STARD5: variants seen among roughly 807,000 people sequenced by gnomAD.
The protein encoded by STARD5 is stAR-related lipid transfer protein 5.
A neutral mutation model predicts 24.6 loss-of-function variants in STARD5; 26 were observed. The observed-to-expected ratio is 1.06, with a 90% CI of 0.77 to 1.47. STARD5 has a LOEUF of 1.47. Ranked by LOEUF, STARD5 falls within the 40% of genes most tolerant of loss-of-function variation. The pLI is 0.00. For synonymous variants in STARD5, 101 were observed against 99.7 expected, an observed-to-expected ratio of 1.01 and a Z score of -0.07; for missense variants, 254 against 270.8, an observed-to-expected ratio of 0.94 and a Z score of 0.44.
Position 81,322,480 on chromosome 15 carries a change from T to A in STARD5, c.210A>T (p.Pro70=), listed in dbSNP as rs1444089357. The A allele has an allele frequency of 5.0e-6, 8 of 1,614,252 alleles. No homozygotes were observed. Among genetic ancestry groups the A allele is most frequent in the Middle Eastern group, 1.6e-4 (1 of 6,062 alleles). Residue 70 remains proline, a synonymous_variant, in exon 3 of 6, where the codon CCA becomes CCT. Transcript: ENST00000302824. ...ACTTCACTCGTAGGCCTCCAACAGC[T>A]GGCTTCACACAGTCCCACACCTCCT... ...TLEEVWDCVK[P]AVGGLRVKWD... is the part of the protein sequence containing the mutation.
chr15:81,313,580 G>T, intron 5 of STARD5, 177 bp from the exon 6 acceptor site: 1 of 477,584 alleles, frequency 2.1e-6, no homozygotes, highest in Non-Finnish European at 3.4e-6. Context: ...TTTTCAGGAT[G>T]GAAACCCATC....
chr15:81,318,403 C>T lies in STARD5; in HGVS notation c.494+6G>A. 6.2e-7 allele frequency: 1 copy of T among 1,613,696 alleles called. No individual in the cohort carries two copies. The highest frequency in any genetic ancestry group is 8.5e-7 in the Non-Finnish European group (1 of 1,179,612). On this transcript the variant is annotated splice_donor_region_variant and intron_variant, in intron 5 of 5. Coordinates refer to ENST00000302824, the MANE Select transcript of STARD5 (RefSeq NM_181900.3). ...CATGTACCTCAATGCAGGAAATTAT[C>T]CTTACCCTGGAAGAGGTTCACAGAA...
chr15:81,320,351 T>A (rs1901171841), intron 3 of STARD5, among the ~76,000 whole-genome samples: 1 of 152,190 alleles, frequency 6.6e-6, no homozygotes, highest in African/African-American at 2.4e-5. Context: ...ATGAGATGCA[T>A]GGGGGCACTT....
intron 4 of STARD5, 118 bp downstream of exon 4, chr15:81,319,221 C>CA (rs745382753): frequency 1.6e-5 from 15 of 920,996 alleles, no homozygotes; most frequent in Non-Finnish European, 2.6e-5. Flanking sequence ...GTAGGGGACT[C>CA]AGAGTGTGAG....
At position 81,309,584 on chromosome 15, in the gene STARD5, A is replaced by T. The variant is rs1353015036; in HGVS notation, c.*3672T>A. 2.0e-5 allele frequency: 3 copies of T among 152,244 alleles called. No homozygotes were observed. Among genetic ancestry groups the T allele is most frequent in the Non-Finnish European group, 4.4e-5 (3 of 68,056 alleles). The allele number at this position is 152,244 out of a possible 1,614,324, so 9.4% of individuals were successfully genotyped here. On this transcript the variant is annotated 3_prime_UTR_variant, in exon 6 of 6. Transcript: ENST00000302824. ...TGCTGGGGTCATTTATGAAAAATAC[A>T]GTTTGTCACATGAAACATTTGCAAA...
chr15:81,313,500 C>A, intron 5 of STARD5, 97 bp from the exon 6 acceptor site: 1 of 1,214,970 alleles, frequency 8.2e-7, no homozygotes, highest in Non-Finnish European at 1.1e-6. Context: ...GTGGAAATGG[C>A]CATGATACAG....
At chr15:81,315,035 G>C (rs190320334) in intron 5 of STARD5, among the ~76,000 whole-genome samples, 17 of 151,978 alleles carry the variant, frequency 1.1e-4, no homozygotes, top group Non-Finnish European at 1.5e-5. Context: ...TCCTCTGCTT[G>C]TGCCCTGCTT....
chr15:81,312,178 T>A lies in STARD5; in HGVS notation c.*1078A>T, dbSNP rs935690411. ...GAATGTTAGAGGATCCCTCTCTGGATTGGAGATAGGGAAAGAAAGTTGCAC... is the reference window on the plus strand; with the variant it reads ...GAATGTTAGAGGATCCCTCTCTGGAATGGAGATAGGGAAAGAAAGTTGCAC... On this transcript the variant is annotated 3_prime_UTR_variant, in exon 6 of 6. Coordinates refer to ENST00000302824, the MANE Select transcript of STARD5 (RefSeq NM_181900.3). 6 of 152,118 alleles carry A rather than the reference T, an allele frequency of 3.9e-5. No individual in the cohort carries two copies. Among genetic ancestry groups the A allele is most frequent in the Non-Finnish European group, 7.3e-5 (5 of 68,042 alleles). The allele number at this position is 152,118 out of a possible 1,614,324, so 9.4% of individuals were successfully genotyped here. A position where few individuals can be genotyped will look rare whatever the true frequency, so the allele number is the denominator to read the frequency against.
At chr15:81,313,807 C>T (rs535292983) in intron 5 of STARD5, 1 of 155,046 alleles carries the variant, frequency 6.4e-6, no homozygotes, top group East Asian at 1.9e-4. Context: ...TTCAAGGGGT[C>T]TACAAAGTTA....
intron 5 of STARD5, among the ~76,000 whole-genome samples, chr15:81,315,642 C>T (rs1901066409): frequency 1.3e-5 from 2 of 152,238 alleles, no homozygotes; most frequent in Admixed American, 6.5e-5. Flanking sequence ...ACCTTTCCCC[C>T]GCCCCCCGCG....
At chr15:81,318,581 C>T in intron 4 of STARD5, 79 bp from the exon 5 acceptor site, 1 of 1,286,602 alleles carries the variant, frequency 7.8e-7, no homozygotes. Flanking sequence ...ATAGAGCACA[C>T]AGACCAGACT....
At position 81,322,962 on chromosome 15, in the gene STARD5, C is replaced by G; in HGVS notation, c.100-14G>C. On this transcript the variant is annotated splice_polypyrimidine_tract_variant and intron_variant, in intron 1 of 5. Coordinates refer to ENST00000302824, the MANE Select transcript of STARD5 (RefSeq NM_181900.3). Reference sequence around the variant, plus strand: ...TGAAACTCCATTCTGTCAAAAGGCACAGAACCACAGAATTTTAGAGCTAGA... The same window carrying G: ...TGAAACTCCATTCTGTCAAAAGGCAGAGAACCACAGAATTTTAGAGCTAGA... 6.2e-7 allele frequency: 1 copy of G among 1,613,972 alleles called. No individual in the cohort carries two copies. The highest frequency in any genetic ancestry group is 1.1e-5 in the South Asian group (1 of 91,082).
chr15:81,313,343 T>C lies in STARD5; in HGVS notation c.555A>G (p.Pro185=). The C allele has an allele frequency of 6.3e-7, 1 of 1,581,234 alleles. No individual in the cohort carries two copies. The highest frequency in any genetic ancestry group is 8.6e-7 in the Non-Finnish European group (1 of 1,164,200). Reference sequence around the variant, plus strand: ...GGAAGAAGGAGTCCACCACGTTCTGTGGGAGGTAACCGCTGAGGTCGGTAT... The same window carrying C: ...GGAAGAAGGAGTCCACCACGTTCTGCGGGAGGTAACCGCTGAGGTCGGTAT... ...FFHTDLSGYL[P]QNVVDSFFPR... is the part of the protein sequence containing the mutation. Residue 185 remains proline (P), a synonymous_variant, in exon 6 of 6, where the codon CCA becomes CCG. Transcript: ENST00000302824.
In STARD5 at chr15:81,322,518, A is replaced by G. The variant is rs773325417; in HGVS notation, c.172T>C (p.Tyr58His). 7 of 1,614,054 alleles carry G rather than the reference A, an allele frequency of 4.3e-6. No individual in the cohort carries two copies. Among genetic ancestry groups the G allele is most frequent in the Non-Finnish European group, 5.9e-6 (7 of 1,180,026 alleles). The change falls in exon 3 of 6, where the codon TAT becomes CAT. Residue 58 changes from tyrosine to histidine, a missense_variant. Coordinates refer to ENST00000302824, the MANE Select transcript of STARD5 (RefSeq NM_181900.3). ...GNLYRGEGIV[Y>H]GTLEEVWDCV... ...TCCCACACCTCCTCTAGTGTCCCAT[A>G]TACAATGCCTTCTCCTCGGTACCTG... is the stretch of plus-strand genomic sequence containing the variant.
At chr15:81,322,319 A>G (rs1185979330) in intron 3 of STARD5, 89 bp downstream of exon 3, 7 of 1,537,098 alleles carry the variant, frequency 4.6e-6, no homozygotes, top group Non-Finnish European at 6.3e-6. Flanking sequence ...AACAAAAGGT[A>G]TCACGGACCC....
rs8040500 is a variant in STARD5 at position 81,311,742 on chromosome 15, G to T, written c.*1514C>A. On this transcript the variant is annotated 3_prime_UTR_variant, in exon 6 of 6. Coordinates refer to ENST00000302824, the MANE Select transcript of STARD5 (RefSeq NM_181900.3). ...TATAGAACAGTGCTTGCCACAGAGC[G>T]GGGACTCGGTAAGCACTTAATGAAT... The T allele has an allele frequency of 6.6e-6, 1 of 152,196 alleles. No individual in the cohort carries two copies. Among genetic ancestry groups the T allele is most frequent in the South Asian group, 2.1e-4 (1 of 4,830 alleles). The allele number at this position is 152,196 out of a possible 1,614,324, so 9.4% of individuals were successfully genotyped here. A position where few individuals can be genotyped will look rare whatever the true frequency, so the allele number is the denominator to read the frequency against.
At chr15:81,321,510 T>TG (rs1401140895) in intron 3 of STARD5, among the ~76,000 whole-genome samples, 1 of 151,204 alleles carries the variant, frequency 6.6e-6, no homozygotes, top group East Asian at 1.9e-4. Context: ...CTTAGGAGGC[T>TG]GAGGCAGGAG....
In STARD5 at chr15:81,311,990, C is replaced by G. The variant is rs1224644903; in HGVS notation, c.*1266G>C. The stretch of plus-strand genomic sequence containing the variant: ...CTCAAAAATAGGGAAGTAACAGTAA[C>G]GCAGGGGAAACGTTTTCTGTTTGGA... On this transcript the variant is annotated 3_prime_UTR_variant, in exon 6 of 6. Transcript: ENST00000302824. The G allele has an allele frequency of 6.6e-6, 1 of 152,180 alleles. No individual in the cohort carries two copies. The highest frequency in any genetic ancestry group is 2.4e-5 in the African/African-American group (1 of 41,432). 9.4% of individuals were successfully genotyped at this position (152,180 alleles called of 1,614,324 possible).
At chr15:81,314,421 G>A (rs752015446) in intron 5 of STARD5, among the ~76,000 whole-genome samples, 3 of 152,140 alleles carry the variant, frequency 2.0e-5, no homozygotes, top group Non-Finnish European at 4.4e-5. Flanking sequence ...ACTTCTCAAC[G>A]GCCAGGACAA....
Sources: allele counts gnomAD v4.1 joint callset (sites outside exome capture counted in the v4.1 genomes callset), GRCh38; gene constraint gnomAD v4.1.1; transcripts MANE v1.5; gene names NCBI Gene and HGNC (gene_info 2026-07-23, HGNC 2026-07-21).